The following RCAN1 variants were observed in gnomAD, a reference collection of about 807,000 sequenced individuals.
RCAN1 encodes the protein regulator of calcineurin 1.
RCAN1 carries 11 observed loss-of-function variants against 22.9 expected under a neutral mutation model. That is an observed-to-expected ratio of 0.48 (90% CI 0.30 to 0.79). RCAN1 has a LOEUF of 0.79. RCAN1 is among the 30% of genes least tolerant of loss of function. The probability of loss-of-function intolerance (pLI) is 0.06; values close to 1 mark genes in which losing one functional copy is unlikely to be tolerated. For missense variants in RCAN1, 291 were observed against 337.8 expected (o/e 0.86, Z 1.09); for synonymous variants, 136 against 142.3 (o/e 0.96, Z 0.32).
At chr21:34,587,004 GA>G (rs1275549594) in intron 1 of RCAN1, among the ~76,000 whole-genome samples, 2 of 151,602 alleles carry the variant, frequency 1.3e-5, no homozygotes, top group African/African-American at 4.8e-5. Context: ...CACTGAAACA[GA>G]AAACAAAAAA....
chr21:34,523,452 A>G (rs1298870852), intron 2 of RCAN1, 85 bp downstream of exon 2: 6 of 1,350,658 alleles, frequency 4.4e-6, no homozygotes, highest in Non-Finnish European at 6.2e-6. Flanking sequence ...TCCGGTCAGC[A>G]TATAACATAA....
chr21:34,570,640 C>CTT (rs56226026), intron 1 of RCAN1, among the ~76,000 whole-genome samples: 17 of 134,784 alleles, frequency 1.3e-4, no homozygotes, highest in Non-Finnish European at 2.1e-4. Flanking sequence ...ATAGTGGACT[C>CTT]TTTTTTTTTT....
chr21:34,613,850 A>C (rs1988745171), intron 1 of RCAN1: 1 of 1,457,288 alleles, frequency 6.9e-7, no homozygotes. Context: ...GTTCATTGAC[A>C]GCATTTGTGG....
chr21:34,599,271 G>A (rs936849949), intron 1 of RCAN1, among the ~76,000 whole-genome samples: 1 of 152,198 alleles, frequency 6.6e-6, no homozygotes, highest in African/African-American at 2.4e-5. Context: ...TGGTTGAGTT[G>A]TGTTATGTTC....
chr21:34,535,456 A>G (rs774085695), intron 1 of RCAN1, among the ~76,000 whole-genome samples: 1 of 151,854 alleles, frequency 6.6e-6, no homozygotes, highest in Non-Finnish European at 1.5e-5. Context: ...CGGAGAAAAT[A>G]CGGGAGGTGC....
chr21:34,592,100 C>T (rs77038533), intron 1 of RCAN1, among the ~76,000 whole-genome samples: 72 of 152,360 alleles, frequency 4.7e-4, no homozygotes, highest in Non-Finnish European at 8.2e-4. Flanking sequence ...ACTCCCTGTG[C>T]TTGGGCTTAG....
chr21:34,577,679 T>C (rs1018694482), intron 1 of RCAN1, among the ~76,000 whole-genome samples: 2 of 152,270 alleles, frequency 1.3e-5, no homozygotes, highest in African/African-American at 4.8e-5. Flanking sequence ...GGAATCAGAA[T>C]ACCAGGTAGG....
chr21:34,590,377 A>G (rs1987932789), intron 1 of RCAN1, among the ~76,000 whole-genome samples: 1 of 152,240 alleles, frequency 6.6e-6, no homozygotes, highest in Admixed American at 6.5e-5. Context: ...CATTGCCAGA[A>G]CAATTCAATA....
intron 1 of RCAN1, among the ~76,000 whole-genome samples, chr21:34,539,094 A>T (rs1297937702): frequency 6.6e-6 from 1 of 152,240 alleles, no homozygotes; most frequent in Non-Finnish European, 1.5e-5. Context: ...AAATTCAAAC[A>T]GTTTAAACTT....
intron 1 of RCAN1, among the ~76,000 whole-genome samples, chr21:34,564,774 A>G (rs1269070483): frequency 6.6e-6 from 1 of 152,188 alleles, no homozygotes; most frequent in Admixed American, 6.5e-5. Context: ...TCTGCTTGTC[A>G]TCTAAGATAG....
chr21:34,563,430 CT>C (rs1986867247), intron 1 of RCAN1, among the ~76,000 whole-genome samples: 2 of 152,064 alleles, frequency 1.3e-5, no homozygotes, highest in South Asian at 4.2e-4. Flanking sequence ...TTTAAGTCTG[CT>C]GTTTATGACA....
At chr21:34,539,673 C>T (rs899257848) in intron 1 of RCAN1, among the ~76,000 whole-genome samples, 3 of 152,180 alleles carry the variant, frequency 2.0e-5, no homozygotes, top group Non-Finnish European at 4.4e-5. Flanking sequence ...GAGAGAAAAT[C>T]GACTTTGCCT....
At chr21:34,526,419 C>T (rs775626178) in intron 1 of RCAN1, among the ~76,000 whole-genome samples, 2 of 152,224 alleles carry the variant, frequency 1.3e-5, no homozygotes, top group Admixed American at 6.5e-5. Flanking sequence ...CCCCAACTCT[C>T]GCCTTCCTAG....
chr21:34,582,150 G>A (rs922896128), intron 1 of RCAN1, among the ~76,000 whole-genome samples: 1 of 152,148 alleles, frequency 6.6e-6, no homozygotes, highest in Non-Finnish European at 1.5e-5. Context: ...ACTCACTTGA[G>A]CCACAGAATG....
intron 1 of RCAN1, among the ~76,000 whole-genome samples, chr21:34,549,746 G>A (rs893457874): frequency 5.9e-5 from 9 of 152,206 alleles, no homozygotes; most frequent in Admixed American, 2.0e-4. Flanking sequence ...ATATTTCTGA[G>A]CGGAGCTAAG....
intron 1 of RCAN1, among the ~76,000 whole-genome samples, chr21:34,572,612 A>G (rs1259505215): frequency 2.0e-5 from 3 of 152,204 alleles, no homozygotes; most frequent in African/African-American, 4.8e-5. Flanking sequence ...GACCATCTCT[A>G]AGGTTTCTTC....
intron 1 of RCAN1, among the ~76,000 whole-genome samples, chr21:34,552,025 C>A (rs1160597766): frequency 6.6e-6 from 1 of 152,170 alleles, no homozygotes; most frequent in East Asian, 1.9e-4. Context: ...GTAGGACTCA[C>A]GTGATGTCTC....
chr21:34,585,220 AT>A (rs981022141), intron 1 of RCAN1, among the ~76,000 whole-genome samples: 10 of 152,232 alleles, frequency 6.6e-5, no homozygotes, highest in South Asian at 2.1e-4. Flanking sequence ...TTTAAGGGCC[AT>A]TTTGTTATAC....
intron 1 of RCAN1, among the ~76,000 whole-genome samples, chr21:34,540,476 G>A (rs1985863498): frequency 6.6e-6 from 1 of 152,136 alleles, no homozygotes; most frequent in Non-Finnish European, 1.5e-5. Flanking sequence ...TCTCCCACGT[G>A]ACTTCTCGAA....
Sources: allele counts gnomAD v4.1 joint callset (sites outside exome capture counted in the v4.1 genomes callset), GRCh38; gene constraint gnomAD v4.1.1; transcripts MANE v1.5; gene names NCBI Gene and HGNC (gene_info 2026-07-23, HGNC 2026-07-21).